The following MYO5A variants were observed in gnomAD, a reference collection of about 807,000 sequenced individuals.
MYO5A encodes myosin VA.
In MYO5A, 98 loss-of-function variants were observed where a neutral mutation model predicts 249.7. That is an observed-to-expected ratio of 0.39 (90% CI 0.33 to 0.46). The LOEUF is 0.46. MYO5A is among the 20% of genes least tolerant of loss of function. MYO5A has a pLI of 0.98. For missense variants in MYO5A, 1,696 were observed against 2,308.8 expected (o/e 0.73, Z 5.44); for synonymous variants, 778 against 810.6 (o/e 0.96, Z 0.68).
chr15:52,324,678 C>T (rs1258624817), intron 36 of MYO5A, among the ~76,000 whole-genome samples: 1 of 152,074 alleles, frequency 6.6e-6, no homozygotes, highest in African/African-American at 2.4e-5. Flanking sequence ...TTCTTAGTAG[C>T]GGCTTTATGC....
chr15:52,498,282 T>A (rs1217219511), intron 1 of MYO5A, among the ~76,000 whole-genome samples: 1 of 152,190 alleles, frequency 6.6e-6, no homozygotes, highest in Non-Finnish European at 1.5e-5. Flanking sequence ...TCCACAGCAC[T>A]GACATAATCA....
intron 1 of MYO5A, among the ~76,000 whole-genome samples, chr15:52,475,865 T>C (rs2076580475): frequency 6.6e-6 from 1 of 152,224 alleles, no homozygotes; most frequent in South Asian, 2.1e-4. Flanking sequence ...GTATATTCTG[T>C]TGATTTGGGG....
chr15:52,366,551 A>G (rs188018325), intron 23 of MYO5A, among the ~76,000 whole-genome samples: 2 of 146,842 alleles, frequency 1.4e-5, no homozygotes, highest in East Asian at 4.4e-4. Context: ...ATATCTAGTT[A>G]GTTCTCTATT....
intron 2 of MYO5A, among the ~76,000 whole-genome samples, chr15:52,431,057 T>C (rs1383199156): frequency 6.7e-6 from 1 of 149,344 alleles, no homozygotes; most frequent in African/African-American, 2.5e-5. Flanking sequence ...CATGGTAAAA[T>C]CCTGTCTCTA....
chr15:52,340,087 C>T, intron 32 of MYO5A, 109 bp downstream of exon 32: 1 of 1,145,336 alleles, frequency 8.7e-7, no homozygotes, highest in Non-Finnish European at 1.3e-6. Context: ...GTAACAAGTA[C>T]AGAGGGGTGA....
At chr15:52,328,176 G>A (rs2038697761) in intron 35 of MYO5A, among the ~76,000 whole-genome samples, 170 bp from the exon 36 acceptor site, 1 of 152,136 alleles carries the variant, frequency 6.6e-6, no homozygotes, top group Non-Finnish European at 1.5e-5. Context: ...CTGGAATGTG[G>A]AGCATGTCCA....
intron 1 of MYO5A, among the ~76,000 whole-genome samples, chr15:52,490,564 T>C (rs1453838909): frequency 6.6e-6 from 1 of 152,178 alleles, no homozygotes; most frequent in Non-Finnish European, 1.5e-5. Context: ...TTATATAGGG[T>C]ACCTAGAGTA....
chr15:52,498,502 T>C (rs1287634621), intron 1 of MYO5A, among the ~76,000 whole-genome samples: 2 of 152,182 alleles, frequency 1.3e-5, no homozygotes, highest in Non-Finnish European at 2.9e-5. Context: ...AAAATATTTA[T>C]TAATTTGTTT....
chr15:52,459,993 C>G (rs1378484592), intron 1 of MYO5A, among the ~76,000 whole-genome samples: 10 of 151,132 alleles, frequency 6.6e-5, no homozygotes, highest in Admixed American at 3.3e-4. Context: ...CAGAGACACT[C>G]CTCAGTTCCC....
At chr15:52,406,780 C>G (rs1171821331) in intron 8 of MYO5A, among the ~76,000 whole-genome samples, 2 of 152,036 alleles carry the variant, frequency 1.3e-5, no homozygotes, top group East Asian at 1.9e-4. Context: ...AAAAAAAATG[C>G]TGGAATAAAC....
At position 52,342,826 on chromosome 15, in the gene MYO5A, C is replaced by G. The variant is rs73408478; in HGVS notation, c.4040+291G>C. 0.098 allele frequency among the ~76,000 whole-genome samples: 14,764 copies of G among 151,348 alleles called. 2,234 individuals are homozygous for G. The highest frequency in any genetic ancestry group is 0.33 in the African/African-American group (13,475 of 41,186). Reference sequence around the variant, plus strand: ...AGCTACTCAGGAGGCTGAGGCAGGACAATTGCTTGAACCCAGGAGGCAGAG... The same window carrying G: ...AGCTACTCAGGAGGCTGAGGCAGGAGAATTGCTTGAACCCAGGAGGCAGAG... On this transcript the variant is annotated intron_variant, in intron 31 of 41. Coordinates refer to ENST00000399233, the MANE Select transcript of MYO5A (RefSeq NM_001382347.1).
chr15:52,490,277 G>A (rs1006362975), intron 1 of MYO5A, among the ~76,000 whole-genome samples: 2 of 152,184 alleles, frequency 1.3e-5, no homozygotes, highest in African/African-American at 4.8e-5. Flanking sequence ...TCAAAGAGAT[G>A]CTTGTACACC....
At chr15:52,351,120 TAAAAAAATAA>T in intron 28 of MYO5A, 124 bp downstream of exon 28, 1 of 809,014 alleles carries the variant, frequency 1.2e-6, no homozygotes. Flanking sequence ...GGGATTTTTT[TAAAAAAATAA>T]TGAATCCTCA....
chr15:52,428,052 G>A (rs1567116361), intron 3 of MYO5A, among the ~76,000 whole-genome samples: 1 of 152,170 alleles, frequency 6.6e-6, no homozygotes, highest in Non-Finnish European at 1.5e-5. Flanking sequence ...TCTTGAACCT[G>A]CTCCAAAGAT....
chr15:52,420,751 G>A (rs1031027347), intron 4 of MYO5A, among the ~76,000 whole-genome samples: 6 of 152,136 alleles, frequency 3.9e-5, no homozygotes, highest in Non-Finnish European at 8.8e-5. Context: ...AAAGCATGGA[G>A]CAAGATATTC....
Position 52,389,305 on chromosome 15 carries a change from T to C in MYO5A, c.1601A>G (p.Lys534Arg). ...AQKLYNTHLN[K>R]CALFEKPRLS... is the part of the protein sequence containing the mutation. ...ACGAGGCTTTTCAAAGAGTGCACAT[T>C]TGTTCAAATGTGTGTTGTACAATTT... The change falls in exon 13 of 42, where the codon AAA (lysine) becomes AGA (arginine). Residue 534 changes from lysine to arginine, a missense_variant. By Grantham distance (26) the Lys-to-Arg change is conservative (BLOSUM62 2). Around this residue, in one of 5 missense-constraint regions of MYO5A, gnomAD observed 277 missense variants for 422.4 expected, o/e 0.66. Transcript: ENST00000399233. 8 of 1,613,068 alleles carry C rather than the reference T, an allele frequency of 5.0e-6. No individual in the cohort carries two copies. The highest frequency in any genetic ancestry group is 6.8e-6 in the Non-Finnish European group (8 of 1,179,110).
chr15:52,474,865 C>G (rs2076557324), intron 1 of MYO5A, among the ~76,000 whole-genome samples: 1 of 152,196 alleles, frequency 6.6e-6, no homozygotes, highest in African/African-American at 2.4e-5. Context: ...TGTTGTGTCT[C>G]TGCCAGGCTT....
intron 1 of MYO5A, among the ~76,000 whole-genome samples, chr15:52,491,962 A>AT (rs1256982600): frequency 2.0e-5 from 3 of 152,236 alleles, no homozygotes; most frequent in African/African-American, 7.2e-5. Context: ...GAGACTTACA[A>AT]TAAGTGTCAA....
intron 35 of MYO5A, among the ~76,000 whole-genome samples, chr15:52,329,905 A>ATTTTTTTTTT (rs58058940): frequency 1.2e-4 from 14 of 119,738 alleles, no homozygotes; most frequent in Admixed American, 1.6e-4. Flanking sequence ...CGCCTGGGTA[A>ATTTTTTTTTT]TTTTTTTTTT....
Sources: gnomAD v4.1 joint callset for allele counts (sites outside exome capture counted in the v4.1 genomes callset) on GRCh38, gnomAD v4.1.1 for gene constraint, gnomAD v4.1.1 regional missense constraint, MANE v1.5 for transcripts, NCBI Gene and HGNC (gene_info 2026-07-23, HGNC 2026-07-21) for gene names.